PSIP1: variants seen among roughly 807,000 people sequenced by gnomAD.
PSIP1 encodes the protein PC4 and SRSF1 interacting protein 1.
In PSIP1, 19 loss-of-function variants were observed where a neutral mutation model predicts 74.7. The observed-to-expected ratio is 0.25, with a 90% confidence interval of 0.18 to 0.37. PSIP1 has a LOEUF of 0.37. Ranked by LOEUF, PSIP1 falls within the 10% of genes least tolerant of loss-of-function variation. The pLI, the probability that PSIP1 is intolerant of heterozygous loss-of-function variation, is 1.00. For synonymous variants in PSIP1, 222 were observed against 195.3 expected (o/e 1.14, Z -1.14); for missense variants, 601 against 614.3 (o/e 0.98, Z 0.23).
Position 15,487,896 on chromosome 9 carries a change from G to A in PSIP1, c.289-965C>T, listed in dbSNP as rs569816054. ...TGAATCCATTAACAAGTAAGTACTGGGAAGTAATAAAGTCACTAATCATTT... is the reference window on the plus strand; with the variant it reads ...TGAATCCATTAACAAGTAAGTACTGAGAAGTAATAAAGTCACTAATCATTT... On this transcript the variant is annotated intron_variant, in intron 4 of 15. Transcript: ENST00000380733. 1.2e-4 allele frequency among the ~76,000 whole-genome samples: 19 copies of A among 152,284 alleles called. No homozygotes were observed. In the South Asian group the frequency reaches 3.3e-3, roughly 27 times the overall value.
chr9:15,477,825 C>A (rs1055572154), intron 8 of PSIP1, among the ~76,000 whole-genome samples: 2 of 151,816 alleles, frequency 1.3e-5, no homozygotes, highest in Non-Finnish European at 1.5e-5. Context: ...AATAAAGCAC[C>A]TATTCTAGAG....
chr9:15,499,242 CATGCTATTTCTCTAT>C (rs1404133905), intron 3 of PSIP1, among the ~76,000 whole-genome samples: 1 of 152,190 alleles, frequency 6.6e-6, no homozygotes, highest in Non-Finnish European at 1.5e-5. Flanking sequence ...ATAAAATATT[CATGCTATTTCTCTAT>C]ATGTACGAAC....
intron 14 of PSIP1, chr9:15,468,234 C>T: frequency 2.3e-6 from 1 of 429,712 alleles, no homozygotes; most frequent in Non-Finnish European, 4.7e-6. Context: ...TAGTCTCCAC[C>T]TATGAGGCTG....
At chr9:15,466,185 C>T (rs1255784841) in intron 15 of PSIP1, among the ~76,000 whole-genome samples, 1 of 152,220 alleles carries the variant, frequency 6.6e-6, no homozygotes, top group Admixed American at 6.5e-5. Flanking sequence ...CGAGGCCGGG[C>T]TGGCCAACAT....
chr9:15,499,739 G>A (rs540295740), intron 3 of PSIP1, among the ~76,000 whole-genome samples: 20 of 151,946 alleles, frequency 1.3e-4, no homozygotes, highest in African/African-American at 4.8e-4. Context: ...CTGGGCTTGG[G>A]GGCGCGTCCC....
chr9:15,469,233 G>A (rs774640530), intron 12 of PSIP1, 33 bp downstream of exon 12: 5 of 1,386,722 alleles, frequency 3.6e-6, no homozygotes, highest in Non-Finnish European at 4.0e-6. Context: ...TATAAATGCA[G>A]TACTGAAGTA....
chr9:15,485,429 TACTG>T (rs1305141134), intron 6 of PSIP1, among the ~76,000 whole-genome samples: 2 of 152,230 alleles, frequency 1.3e-5, no homozygotes, highest in East Asian at 3.8e-4. Flanking sequence ...CCTCATGAGA[TACTG>T]AACTTTTGGT....
Position 15,483,125 on chromosome 9 carries a change from T to C in PSIP1, c.456+2881A>G, listed in dbSNP as rs111734929. On this transcript the variant is annotated intron_variant, in intron 6 of 15. Transcript: ENST00000380733. ...CATCCTCTCAATAAACCGTTCTCCT[T>C]TGACCTCATCTATTACCCTATCTTC... is the stretch of plus-strand genomic sequence containing the variant. Among the ~76,000 whole-genome samples the C allele has an allele frequency of 1.1e-4, 16 of 152,278 alleles. 2 individuals carry two copies. Among genetic ancestry groups the C allele is most frequent in the East Asian group, 7.7e-4 (4 of 5,180 alleles).
intron 3 of PSIP1, among the ~76,000 whole-genome samples, chr9:15,499,264 G>A (rs572898243): frequency 6.6e-6 from 1 of 152,058 alleles, no homozygotes; most frequent in Non-Finnish European, 1.5e-5. Context: ...CTATATGTAC[G>A]AACTCAGACC....
chr9:15,471,980 TAA>T (rs1587461464), intron 10 of PSIP1: 1 of 974,040 alleles, frequency 1.0e-6, no homozygotes, highest in Non-Finnish European at 1.2e-6. Flanking sequence ...GCAAATGTAA[TAA>T]AGACACGAAG....
chr9:15,482,227 G>A (rs1262348511), intron 6 of PSIP1, among the ~76,000 whole-genome samples: 1 of 152,070 alleles, frequency 6.6e-6, no homozygotes, highest in Non-Finnish European at 1.5e-5. Flanking sequence ...ATCCTCAAGA[G>A]AGGTTACTAT....
At position 15,502,202 on chromosome 9, in the gene PSIP1, C is replaced by G. The variant is rs143090996; in HGVS notation, c.149+4359G>C. ...CTTCCATTGCTGCTTTAAATCATCT[C>G]TAGATCACTTATAATACCTAATACA... On this transcript the variant is annotated intron_variant, in intron 3 of 15. Coordinates refer to ENST00000380733, the MANE Select transcript of PSIP1 (RefSeq NM_033222.5). Among the ~76,000 whole-genome samples, 189 of 152,264 alleles carry G rather than the reference C, an allele frequency of 1.2e-3. 1 individual carries two copies. Among genetic ancestry groups the G allele is most frequent in the African/African-American group, 4.3e-3 (177 of 41,544 alleles).
intron 9 of PSIP1, among the ~76,000 whole-genome samples, chr9:15,472,971 G>C (rs984906774): frequency 1.3e-5 from 2 of 152,164 alleles, no homozygotes; most frequent in African/African-American, 4.8e-5. Context: ...TGCTATAGGA[G>C]TGATGTCCTT....
At chr9:15,468,040 A>G (rs2035704002) in intron 14 of PSIP1, among the ~76,000 whole-genome samples, 1 of 148,086 alleles carries the variant, frequency 6.8e-6, no homozygotes, top group South Asian at 2.1e-4. Context: ...GAATCGCTTG[A>G]ACCCAGAAGG....
chr9:15,496,263 T>C (rs78068392), intron 3 of PSIP1, among the ~76,000 whole-genome samples: 2,161 of 152,306 alleles, frequency 0.014, 57 homozygotes, highest in African/African-American at 0.049. Context: ...GTCATGGCAA[T>C]TGAAATTTGT....
chr9:15,466,574 C>T (rs2035641658), intron 15 of PSIP1, among the ~76,000 whole-genome samples, 174 bp downstream of exon 15: 1 of 152,184 alleles, frequency 6.6e-6, no homozygotes, highest in African/African-American at 2.4e-5. Context: ...AAGTCACTGT[C>T]AATAAAAGGT....
Position 15,472,730 on chromosome 9 carries a change from G to C in PSIP1, c.879C>G (p.Asn293Lys). The C allele has an allele frequency of 6.2e-7, 1 of 1,605,242 alleles. No individual in the cohort carries two copies. The highest frequency in any genetic ancestry group is 8.5e-7 in the Non-Finnish European group (1 of 1,177,926). ...TATTCCTTCTGTGAGCAGTCTGAAA[G>C]TTCCTCCCACCTTTTCTCTTCTGTT... ...EGEKKRKGGR[N>K]FQTAHRRNML... Residue 293 changes from asparagine (N) to lysine (K), a missense_variant, in exon 10 of 16, where the codon AAC (asparagine) becomes AAG (lysine). By Grantham distance (94) the Asn-to-Lys change is moderately conservative. Coordinates refer to ENST00000380733, the MANE Select transcript of PSIP1 (RefSeq NM_033222.5).
At chr9:15,485,342 T>C (rs527971676) in intron 6 of PSIP1, among the ~76,000 whole-genome samples, 1 of 152,276 alleles carries the variant, frequency 6.6e-6, no homozygotes, top group East Asian at 1.9e-4. Flanking sequence ...TATTTTAAAA[T>C]CTTGTTATCA....
intron 9 of PSIP1, among the ~76,000 whole-genome samples, chr9:15,473,413 G>C (rs2035928179): frequency 6.6e-6 from 1 of 152,084 alleles, no homozygotes; most frequent in African/African-American, 2.4e-5. Context: ...TTATTGGAAA[G>C]GTACTGTTTA....
Sources: gnomAD v4.1 joint callset for allele counts (sites outside exome capture counted in the v4.1 genomes callset) on GRCh38, gnomAD v4.1.1 for gene constraint, MANE v1.5 for transcripts, NCBI Gene and HGNC (gene_info 2026-07-23, HGNC 2026-07-21) for gene names.